AHSG: variants seen among roughly 807,000 people sequenced by gnomAD.
AHSG encodes the protein alpha-2-HS-glycoprotein.
A neutral mutation model predicts 30.1 loss-of-function variants in AHSG; 23 were observed. The ratio of observed to expected loss-of-function variants is 0.76; its 90% CI spans 0.55 to 1.08. The LOEUF is 1.08. Among genes scored for constraint, AHSG ranks in the 50% least tolerant of loss-of-function variants. AHSG has a pLI of 0.00. For synonymous variants in AHSG, 164 were observed against 186.3 expected, an observed-to-expected ratio of 0.88 and a Z score of 0.98; for missense variants, 469 against 459.5, an observed-to-expected ratio of 1.02 and a Z score of -0.19.
At position 186,617,201 on chromosome 3, in the gene AHSG, G is replaced by C; in HGVS notation, c.424G>C (p.Val142Leu). Residue 142 changes from valine to leucine, a missense_variant, in exon 4 of 7, where the codon GTG becomes CTG. By Grantham distance (32) the Val-to-Leu change is conservative. Coordinates refer to ENST00000411641, the MANE Select transcript of AHSG (RefSeq NM_001622.4). ...TCTCCGAGCAGACTCAGCCGAGGAC[G>C]TGCGCAAGGTGTGCCAAGACTGCCC... The part of the protein sequence containing the change: ...CDSSPDSAED[V>L]RKVCQDCPLL... 6.2e-7 allele frequency: 1 copy of C among 1,612,028 alleles called. No individual in the cohort carries two copies. The highest frequency in any genetic ancestry group is 8.5e-7 in the Non-Finnish European group (1 of 1,179,116).
chr3:186,619,709 T>C (rs996544367), intron 5 of AHSG, 148 bp from the exon 6 acceptor site: 3 of 586,836 alleles, frequency 5.1e-6, no homozygotes, highest in South Asian at 2.4e-5. Flanking sequence ...TTCCATGTTA[T>C]ATATAGAATC....
Position 186,615,688 on chromosome 3 carries a change from C to A in AHSG, c.217C>A (p.Pro73Thr). ...IDEVKVWPQQ[P>T]SGELFEIEID... Reference sequence around the variant, plus strand: ...GCTTCACTCTTTGTCTCCACAGCAGCCCTCCGGAGAGCTGTTTGAGATTGA... The same window carrying A: ...GCTTCACTCTTTGTCTCCACAGCAGACCTCCGGAGAGCTGTTTGAGATTGA... Residue 73 changes from proline to threonine, a missense_variant, in exon 2 of 7, where the codon CCC (proline) becomes ACC (threonine). Physicochemically the swap from Pro to Thr is conservative, Grantham distance 38. Coordinates refer to ENST00000411641, the MANE Select transcript of AHSG (RefSeq NM_001622.4). 1 of 1,613,692 alleles carries A rather than the reference C, an allele frequency of 6.2e-7. No individual in the cohort carries two copies. Among genetic ancestry groups the A allele is most frequent in the Admixed American group, 1.7e-5 (1 of 60,032 alleles).
chr3:186,620,824 T>A lies in AHSG; in HGVS notation c.998T>A (p.Val333Glu). 1.2e-6 allele frequency: 2 copies of A among 1,614,144 alleles called. No individual in the cohort carries two copies. The highest frequency in any genetic ancestry group is 1.7e-6 in the Non-Finnish European group (2 of 1,180,032). ...VVSLGSPSGE[V>E]SHPRKTRTVV... The stretch of plus-strand genomic sequence containing the variant: ...TCATTGGGGTCACCCTCAGGAGAAG[T>A]GTCGCACCCCCGGAAAACACGCACA... Residue 333 changes from valine (V) to glutamate (E), a missense_variant, in exon 7 of 7, where the codon GTG becomes GAG. By Grantham distance (121) the Val-to-Glu change is moderately radical. Transcript: ENST00000411641.
At chr3:186,616,295 T>C in intron 2 of AHSG, 148 bp from the exon 3 acceptor site, 1 of 602,172 alleles carries the variant, frequency 1.7e-6, no homozygotes, top group East Asian at 2.8e-5. Flanking sequence ...TATATCGTTG[T>C]ATCCCTGAAA....
chr3:186,620,648 C>T lies in AHSG; in HGVS notation c.822C>T (p.Asp274=). The T allele has an allele frequency of 6.2e-7, 1 of 1,613,956 alleles. No individual in the cohort carries two copies. The highest frequency in any genetic ancestry group is 2.2e-5 in the East Asian group (1 of 44,856). The change falls in exon 7 of 7, where the codon GAC becomes GAT. Residue 274 remains aspartate (D), a synonymous_variant. Coordinates refer to ENST00000411641, the MANE Select transcript of AHSG (RefSeq NM_001622.4). ...AAGCAGTCCCCACACCCGTGGTGGA[C>T]CCAGATGCACCTCCGTCCCCTCCAC... ...ANEAVPTPVV[D]PDAPPSPPLG... is the part of the protein sequence containing the mutation.
In AHSG at chr3:186,613,089, G is replaced by T. The variant is rs559479308; in HGVS notation, c.-53G>T. ...CTTTCCCAGCAGAGCACCTGGGTTGGTCCCGAAGCCTCCAACCACCTGCAC... is the reference window on the plus strand; with the variant it reads ...CTTTCCCAGCAGAGCACCTGGGTTGTTCCCGAAGCCTCCAACCACCTGCAC... On this transcript the variant is annotated 5_prime_UTR_variant, in exon 1 of 7. Transcript: ENST00000411641. The T allele has an allele frequency of 8.3e-6, 13 of 1,565,936 alleles. No homozygotes were observed. The African/African-American group carries it at 1.6e-4, about 20-fold the overall frequency.
intron 6 of AHSG, among the ~76,000 whole-genome samples, chr3:186,620,294 T>G (rs1035701646): frequency 1.3e-5 from 2 of 152,184 alleles, no homozygotes; most frequent in African/African-American, 4.8e-5. Flanking sequence ...AGGGTGGCAC[T>G]GCTGGGCAAG....
At chr3:186,618,743 G>A (rs1716388822) in intron 5 of AHSG, 106 bp downstream of exon 5, 1 of 1,490,514 alleles carries the variant, frequency 6.7e-7, no homozygotes, top group South Asian at 1.3e-5. Flanking sequence ...GAGAATAACA[G>A]TGCAAATCCC....
chr3:186,615,468 C>T lies in AHSG; in HGVS notation c.214-217C>T, dbSNP rs535573580. Among the ~76,000 whole-genome samples, 8 of 152,332 alleles carry T rather than the reference C, an allele frequency of 5.3e-5. No homozygotes were observed. In the South Asian group the frequency reaches 1.7e-3, roughly 32 times the overall value. ...GCTTTGCGAGCATCATCTGGTGCTT[C>T]CTTAATCAACAGACGAAGACCAGAC... On this transcript the variant is annotated intron_variant, in intron 1 of 6. Coordinates refer to ENST00000411641, the MANE Select transcript of AHSG (RefSeq NM_001622.4).
At position 186,617,342 on chromosome 3, in the gene AHSG, C is replaced by T; in HGVS notation, c.565C>T (p.Gln189Ter). The change falls in exon 4 of 7, where the codon CAG (glutamine) becomes TAG (stop). Residue 189 changes from glutamine to a stop codon, truncating the protein, a stop_gained. Transcript: ENST00000411641. LOFTEE classifies it high-confidence loss of function. ...NFQLEEISRAQLVPLPPSTYV... is the reference protein window; with the variant it reads ...NFQLEEISRA ...TCAGCTGGAGGAAATTTCCCGGGCT[C>T]AGCTTGTGGTAAAGACTGAGATTCT... The T allele has an allele frequency of 1.9e-6, 3 of 1,614,202 alleles. No homozygotes were observed. Among genetic ancestry groups the T allele is most frequent in the Middle Eastern group, 1.6e-4 (1 of 6,062 alleles).
intron 5 of AHSG, among the ~76,000 whole-genome samples, chr3:186,619,619 A>T (rs750359717): frequency 1.3e-5 from 2 of 152,184 alleles, no homozygotes; most frequent in Non-Finnish European, 2.9e-5. Context: ...AAATGCATCA[A>T]TGTTAACAGT....
chr3:186,617,973 A>G (rs1716361266), intron 4 of AHSG: 1 of 159,008 alleles, frequency 6.3e-6, no homozygotes, highest in Non-Finnish European at 1.4e-5. Flanking sequence ...GATTCTCAGA[A>G]CATCCCCACC....
At position 186,621,027 on chromosome 3, in the gene AHSG, C is replaced by A; in HGVS notation, c.*97C>A. 2.5e-6 allele frequency: 3 copies of A among 1,193,080 alleles called. No individual in the cohort carries two copies. The highest frequency in any genetic ancestry group is 2.4e-6 in the Non-Finnish European group (2 of 846,006). 73.9% of individuals were successfully genotyped at this position (1,193,080 alleles called of 1,614,324 possible). On this transcript the variant is annotated 3_prime_UTR_variant, in exon 7 of 7. Transcript: ENST00000411641. ...GGTGGGGGGCCTTGTCTGCTGGCCA[C>A]GCAAGTGTCACATGCGATCTACATT...
chr3:186,619,742 C>T, intron 5 of AHSG, 115 bp from the exon 6 acceptor site: 1 of 740,690 alleles, frequency 1.4e-6, no homozygotes, highest in South Asian at 1.9e-5. Flanking sequence ...CAAGCAGAAA[C>T]TATAACTTTA....
At chr3:186,617,518 C>T (rs2108501859) in intron 4 of AHSG, 168 bp downstream of exon 4, 1 of 1,302,882 alleles carries the variant, frequency 7.7e-7, no homozygotes, top group South Asian at 1.3e-5. Context: ...GGGTATGAGG[C>T]TCCTGAGTGT....
At chr3:186,616,344 G>A (rs770748133) in intron 2 of AHSG, 99 bp from the exon 3 acceptor site, 54 of 825,656 alleles carry the variant, frequency 6.5e-5, no homozygotes, top group Middle Eastern at 2.4e-4. Context: ...CAGCAAAGGC[G>A]ATTTTGCAAG....
intron 5 of AHSG, among the ~76,000 whole-genome samples, chr3:186,619,467 C>T (rs939806499): frequency 2.6e-4 from 40 of 152,006 alleles, no homozygotes; most frequent in African/African-American, 9.4e-4. Flanking sequence ...TGTGCAGACA[C>T]TAAAAATTGT....
In AHSG at chr3:186,617,262, A is replaced by T. The variant is rs1392681696; in HGVS notation, c.485A>T (p.His162Leu). ...CCGCTGAACGACACCAGGGTGGTGC[A>T]CGCCGCGAAAGCTGCCCTGGCCGCC... ...LAPLNDTRVV[H>L]AAKAALAAFN... The change falls in exon 4 of 7, where the codon CAC (histidine) becomes CTC (leucine). Residue 162 changes from histidine to leucine, a missense_variant. Physicochemically the swap from His to Leu is moderately conservative, Grantham distance 99. Transcript: ENST00000411641. 9 of 1,614,164 alleles carry T rather than the reference A, an allele frequency of 5.6e-6. No individual in the cohort carries two copies. The East Asian group carries it at 2.0e-4, about 36-fold the overall frequency.
In AHSG at chr3:186,613,157, C is replaced by A; in HGVS notation, c.16C>A (p.Leu6Met). 1.2e-6 allele frequency: 2 copies of A among 1,614,116 alleles called. No individual in the cohort carries two copies. The highest frequency in any genetic ancestry group is 1.7e-6 in the Non-Finnish European group (2 of 1,180,014). The change falls in exon 1 of 7, where the codon CTG becomes ATG. Residue 6 changes from leucine to methionine, a missense_variant. By Grantham distance (15) the Leu-to-Met change is conservative. Transcript: ENST00000411641. MKSLV[L>M]LLCLAQLWGC... ...TGGGGCAGCCATGAAGTCCCTCGTC[C>A]TGCTCCTTTGTCTTGCTCAGCTCTG... is the stretch of plus-strand genomic sequence containing the variant.
Sources: allele counts gnomAD v4.1 joint callset (sites outside exome capture counted in the v4.1 genomes callset), GRCh38; gene constraint gnomAD v4.1.1; transcripts MANE v1.5; gene names NCBI Gene and HGNC (gene_info 2026-07-23, HGNC 2026-07-21).